ENOX1: variants seen among roughly 807,000 people sequenced by gnomAD.
ENOX1 encodes ecto-NOX disulfide-thiol exchanger 1, also known as candidate growth-related and time keeping constitutive hydroquinone (NADH) oxidase.
ENOX1 carries 42 observed loss-of-function variants against 82.5 expected under a neutral mutation model. The observed-to-expected ratio is 0.51, with a 90% CI of 0.40 to 0.66. The LOEUF is 0.66. ENOX1 is among the 30% of genes least tolerant of loss of function. The pLI, the probability that ENOX1 is intolerant of heterozygous loss-of-function variation, is 0.00. For missense variants in ENOX1, 608 were observed against 811.6 expected (o/e 0.75, Z 3.05); for synonymous variants, 271 against 282.2 (o/e 0.96, Z 0.40).
rs188075486 is a variant in ENOX1, at chr13:43,610,629, C to T, written c.-219+56850G>A. 9.9e-5 allele frequency among the ~76,000 whole-genome samples: 15 copies of T among 152,184 alleles called. No homozygotes were observed. The East Asian group carries it at 2.5e-3, about 25-fold the overall frequency. On this transcript the variant is annotated intron_variant, in intron 2 of 16. Coordinates refer to ENST00000690772, the MANE Select transcript of ENOX1 (RefSeq NM_001347969.2). Reference sequence around the variant, plus strand: ...AATTTTGTGGTTTCTCATTAAGGGACAGCATTAGTTATTCATATTCAGGAG... The same window carrying T: ...AATTTTGTGGTTTCTCATTAAGGGATAGCATTAGTTATTCATATTCAGGAG...
At chr13:43,554,848 G>A (rs1407250643) in intron 2 of ENOX1, among the ~76,000 whole-genome samples, 1 of 152,178 alleles carries the variant, frequency 6.6e-6, no homozygotes, top group African/African-American at 2.4e-5. Context: ...TCAAAGTGCT[G>A]GGATTAAAAG....
chr13:43,518,481 G>A (rs1349586659), intron 2 of ENOX1, among the ~76,000 whole-genome samples: 1 of 151,978 alleles, frequency 6.6e-6, no homozygotes, highest in East Asian at 1.9e-4. Flanking sequence ...GGAGGCAGAT[G>A]CGTTGATGTT....
chr13:43,538,987 C>A (rs942600394), intron 2 of ENOX1, among the ~76,000 whole-genome samples: 1 of 151,970 alleles, frequency 6.6e-6, no homozygotes, highest in African/African-American at 2.4e-5. Flanking sequence ...TCATGCCCAG[C>A]TAATTTTTTC....
intron 14 of ENOX1, among the ~76,000 whole-genome samples, chr13:43,256,702 G>A (rs116843548): frequency 0.048 from 7,282 of 152,222 alleles, 242 homozygotes; most frequent in Non-Finnish European, 0.072. Flanking sequence ...ACCCTAGCAC[G>A]CTGTTAGTGG....
At chr13:43,329,421 A>G (rs149698663) in intron 9 of ENOX1, among the ~76,000 whole-genome samples, 125 of 152,236 alleles carry the variant, frequency 8.2e-4, no homozygotes, top group African/African-American at 2.9e-3. Context: ...CGATGACTGG[A>G]GCTGGTAAGT....
intron 9 of ENOX1, among the ~76,000 whole-genome samples, chr13:43,336,696 C>T (rs140593110): frequency 2.1e-3 from 320 of 152,198 alleles, no homozygotes; most frequent in Admixed American, 3.4e-3. Flanking sequence ...ATTTAGATAT[C>T]CAGAGACGAT....
In ENOX1 at chr13:43,412,029, G is replaced by A. The variant is rs756210966; in HGVS notation, c.95C>T (p.Ala32Val). 7 of 1,613,872 alleles carry A rather than the reference G, an allele frequency of 4.3e-6. No individual in the cohort carries two copies. The highest frequency in any genetic ancestry group is 4.5e-5 in the East Asian group (2 of 44,884). The change falls in exon 5 of 17, where the codon GCG becomes GTG. Residue 32 changes from alanine (A) to valine (V), a missense_variant. Coordinates refer to ENST00000690772, the MANE Select transcript of ENOX1 (RefSeq NM_001347969.2). Reference sequence around the variant, plus strand: ...CATGTTGAGCTGGGTCGTGTCTATCGCTATACTCCCCAAACCATCGGCTGC... The same window carrying A: ...CATGTTGAGCTGGGTCGTGTCTATCACTATACTCCCCAAACCATCGGCTGC... Reference protein sequence around the residue: ...AAAADGLGSIAIDTTQLNMSV... With the variant: ...AAAADGLGSIVIDTTQLNMSV...
intron 1 of ENOX1, among the ~76,000 whole-genome samples, chr13:43,719,700 G>A (rs2088434688): frequency 6.6e-6 from 1 of 151,964 alleles, no homozygotes; most frequent in South Asian, 2.1e-4. Flanking sequence ...AACATGCAAT[G>A]GAGCACCAGA....
intron 1 of ENOX1, among the ~76,000 whole-genome samples, chr13:43,718,101 A>C (rs149066512): frequency 6.6e-6 from 1 of 152,230 alleles, no homozygotes; most frequent in East Asian, 1.9e-4. Flanking sequence ...TTGCAACACT[A>C]TTCACAATAG....
chr13:43,258,292 A>C (rs1214222366), intron 14 of ENOX1, among the ~76,000 whole-genome samples: 2 of 152,164 alleles, frequency 1.3e-5, no homozygotes, highest in Non-Finnish European at 2.9e-5. Flanking sequence ...TGACCTTTTC[A>C]AGGGTGCTGG....
At chr13:43,675,014 G>C (rs2085440918) in intron 1 of ENOX1, among the ~76,000 whole-genome samples, 1 of 152,210 alleles carries the variant, frequency 6.6e-6, no homozygotes, top group Non-Finnish European at 1.5e-5. Context: ...AGAGTGGCTA[G>C]AGTAAGCCTG....
At chr13:43,411,837 A>T (rs2054146701) in intron 5 of ENOX1, 79 bp downstream of exon 5, 15 of 1,567,618 alleles carry the variant, frequency 9.6e-6, no homozygotes, top group Non-Finnish European at 1.3e-5. Context: ...CACTCGCGGT[A>T]CAGAGAGATT....
chr13:43,373,975 T>C (rs1453041405), intron 5 of ENOX1, among the ~76,000 whole-genome samples: 1 of 152,156 alleles, frequency 6.6e-6, no homozygotes. Flanking sequence ...AGTTAATTCC[T>C]CACATGAAAA....
intron 3 of ENOX1, among the ~76,000 whole-genome samples, chr13:43,438,128 T>C (rs2056144439): frequency 6.6e-6 from 1 of 152,170 alleles, no homozygotes; most frequent in Non-Finnish European, 1.5e-5. Flanking sequence ...ATGCTAACAA[T>C]GTAGGCAGGG....
intron 2 of ENOX1, among the ~76,000 whole-genome samples, chr13:43,615,629 T>C (rs2082374248): frequency 6.6e-6 from 1 of 152,126 alleles, no homozygotes; most frequent in African/African-American, 2.4e-5. Flanking sequence ...CTGGGATACA[T>C]GTGCATAGAA....
intron 12 of ENOX1, among the ~76,000 whole-genome samples, chr13:43,281,455 C>T (rs1566411876): frequency 6.6e-6 from 1 of 152,050 alleles, no homozygotes; most frequent in Non-Finnish European, 1.5e-5. Flanking sequence ...GTCAGCATGG[C>T]CATGAATGAT....
In ENOX1 at chr13:43,285,541, T is replaced by C. The variant is rs2045642696; in HGVS notation, c.1446+12805A>G. On this transcript the variant is annotated intron_variant, in intron 12 of 16. Transcript: ENST00000690772. ...TATATTTCTCTTCCTCTGTGCTTTC[T>C]CTTAGTCATATAAGAAGGATTTTTT... is the stretch of plus-strand genomic sequence containing the variant. Among the ~76,000 whole-genome samples the C allele has an allele frequency of 2.6e-5, 4 of 152,138 alleles. No homozygotes were observed. The South Asian group carries it at 8.3e-4, about 32-fold the overall frequency.
intron 7 of ENOX1, among the ~76,000 whole-genome samples, chr13:43,357,874 G>C (rs1439848784): frequency 6.6e-6 from 1 of 152,150 alleles, no homozygotes; most frequent in Non-Finnish European, 1.5e-5. Context: ...CAAACAGGAG[G>C]GGCCGCCTGA....
chr13:43,680,043 T>C (rs1047644337), intron 1 of ENOX1, among the ~76,000 whole-genome samples: 27 of 151,956 alleles, frequency 1.8e-4, no homozygotes, highest in Non-Finnish European at 3.7e-4. Context: ...CCTAAAGGGG[T>C]TTTTCTCATA....
Sources: allele counts gnomAD v4.1 joint callset (sites outside exome capture counted in the v4.1 genomes callset), GRCh38; gene constraint gnomAD v4.1.1; transcripts MANE v1.5; gene names NCBI Gene and HGNC (gene_info 2026-07-23, HGNC 2026-07-21).